MYZAP: variants seen among roughly 807,000 people sequenced by gnomAD.
MYZAP encodes the protein myocardial zonula adherens protein.
Under a neutral mutation model 69.4 loss-of-function variants are expected in MYZAP, and 66 were observed. The observed-to-expected ratio is 0.95, with a 90% CI of 0.78 to 1.17. The LOEUF is 1.17. Ranked by LOEUF, MYZAP falls within the 50% of genes most tolerant of loss-of-function variation. MYZAP has a pLI of 0.00. For missense variants in MYZAP, 611 were observed against 556.2 expected, an observed-to-expected ratio of 1.10 and a Z score of -0.99; for synonymous variants, 256 against 205.9, an observed-to-expected ratio of 1.24 and a Z score of -2.09.
intron 4 of MYZAP, among the ~76,000 whole-genome samples, chr15:57,625,166 G>A (rs190269645): frequency 7.3e-5 from 11 of 151,596 alleles, no homozygotes; most frequent in South Asian, 2.1e-4. Flanking sequence ...CTCAGCCTCC[G>A]GGGTTCAAGC....
Position 57,684,645 on chromosome 15 carries a change from C to G in MYZAP, c.*147C>G. ...CTGAGGCTCTGATCCACTTCTAAGA[C>G]AGGAAGGAAAGTGAAGGCAGAGTGA... is the stretch of plus-strand genomic sequence containing the variant. On this transcript the variant is annotated 3_prime_UTR_variant, in exon 13 of 13. Transcript: ENST00000267853. The G allele has an allele frequency of 1.6e-6, 1 of 622,932 alleles. No individual in the cohort carries two copies. The highest frequency in any genetic ancestry group is 2.8e-6 in the Non-Finnish European group (1 of 354,254). The allele number at this position is 622,932 out of a possible 1,614,324, so 38.6% of individuals were successfully genotyped here.
In MYZAP at chr15:57,620,061, C is replaced by T. The variant is rs144173398; in HGVS notation, c.319-1547C>T. Among the ~76,000 whole-genome samples, 333 of 152,312 alleles carry T rather than the reference C, an allele frequency of 2.2e-3. 5 individuals carry two copies. The highest frequency in any genetic ancestry group is 0.019 in the Admixed American group (286 of 15,300). Reference sequence around the variant, plus strand: ...CATGCAGCTCAAGATTCCACCCACTCACCACTGGGAGCAGCACAAGAGCCA... The same window carrying T: ...CATGCAGCTCAAGATTCCACCCACTTACCACTGGGAGCAGCACAAGAGCCA... On this transcript the variant is annotated intron_variant, in intron 3 of 12. Transcript: ENST00000267853.
chr15:57,641,438 A>G (rs1253722283), intron 10 of MYZAP, among the ~76,000 whole-genome samples: 1 of 152,192 alleles, frequency 6.6e-6, no homozygotes, highest in Admixed American at 6.5e-5. Context: ...GTGTGTGTGT[A>G]GGGATGCATA....
chr15:57,645,948 C>G (rs1485084405), intron 10 of MYZAP, among the ~76,000 whole-genome samples: 1 of 152,208 alleles, frequency 6.6e-6, no homozygotes, highest in Non-Finnish European at 1.5e-5. Flanking sequence ...TGCTGGCACA[C>G]AATTTAATTC....
intron 2 of MYZAP, among the ~76,000 whole-genome samples, chr15:57,613,349 T>C (rs2035232858): frequency 6.6e-6 from 1 of 151,944 alleles, no homozygotes; most frequent in Non-Finnish European, 1.5e-5. Flanking sequence ...TAAAGAGGCT[T>C]TTGATTTTTA....
At position 57,646,093 on chromosome 15, in the gene MYZAP, C is replaced by T. The variant is rs148161416; in HGVS notation, c.1119+6548C>T. On this transcript the variant is annotated intron_variant, in intron 10 of 12. Coordinates refer to ENST00000267853, the MANE Select transcript of MYZAP (RefSeq NM_001018100.5). ...TGGGGGTAGGGGAAAGGAGCCATAG[C>T]ACCAAGCCCACAAACCTAATCCACT... 1.0e-4 allele frequency: 126 copies of T among 1,223,694 alleles called. No homozygotes were observed. In the African/African-American group the frequency reaches 1.8e-3, roughly 17 times the overall value. 75.8% of individuals were successfully genotyped at this position (1,223,694 alleles called of 1,614,324 possible). A position where few individuals can be genotyped will look rare whatever the true frequency, so the allele number is the denominator to read the frequency against.
Position 57,647,836 on chromosome 15 carries a change from T to C in MYZAP, c.1119+8291T>C, listed in dbSNP as rs1220482313. The C allele has an allele frequency of 3.0e-6, 3 of 985,318 alleles. No individual in the cohort carries two copies. In the African/African-American group the frequency reaches 5.2e-5, roughly 17 times the overall value. The allele number at this position is 985,318 out of a possible 1,614,324, so 61.0% of individuals were successfully genotyped here. ...TCAGCCTGCTCTTGTCTGCCTTTGC[T>C]GATGCCCCTCAATTCACCTCTTTCC... On this transcript the variant is annotated intron_variant, in intron 10 of 12. Coordinates refer to ENST00000267853, the MANE Select transcript of MYZAP (RefSeq NM_001018100.5).
At chr15:57,601,990 C>G (rs1204262440) in intron 1 of MYZAP, among the ~76,000 whole-genome samples, 1 of 152,072 alleles carries the variant, frequency 6.6e-6, no homozygotes, top group Non-Finnish European at 1.5e-5. Context: ...GCTCCCTAAC[C>G]TGTTCATGGA....
intron 10 of MYZAP, among the ~76,000 whole-genome samples, chr15:57,657,733 C>G (rs925830189): frequency 6.6e-6 from 1 of 151,958 alleles, no homozygotes; most frequent in South Asian, 2.1e-4. Context: ...GAGCTTTTTC[C>G]TATGTTTGAA....
intron 1 of MYZAP, among the ~76,000 whole-genome samples, chr15:57,603,648 A>G (rs1021654277): frequency 1.3e-5 from 2 of 152,186 alleles, no homozygotes; most frequent in Non-Finnish European, 2.9e-5. Flanking sequence ...TCCATGTTGT[A>G]GCATGTGTCA....
intron 5 of MYZAP, among the ~76,000 whole-genome samples, chr15:57,628,652 G>A (rs185475205): frequency 1.1e-4 from 16 of 152,308 alleles, no homozygotes; most frequent in African/African-American, 3.6e-4. Flanking sequence ...ACCAAATTCT[G>A]TTCCTTAGTA....
At chr15:57,620,436 A>G (rs1390697784) in intron 3 of MYZAP, among the ~76,000 whole-genome samples, 1 of 152,146 alleles carries the variant, frequency 6.6e-6, no homozygotes, top group African/African-American at 2.4e-5. Context: ...TTCCTGCCCT[A>G]TTTGAGGGTT....
At position 57,684,610 on chromosome 15, in the gene MYZAP, A is replaced by G; in HGVS notation, c.*112A>G. On this transcript the variant is annotated 3_prime_UTR_variant, in exon 13 of 13. Transcript: ENST00000267853. ...TCCCCTACACACAGTGTAAGCCGGA[A>G]TGGGAATCGCTGAGGCTCTGATCCA... The G allele has an allele frequency of 1.4e-6, 1 of 699,946 alleles. No individual in the cohort carries two copies. The highest frequency in any genetic ancestry group is 2.5e-6 in the Non-Finnish European group (1 of 407,574). The allele number at this position is 699,946 out of a possible 1,614,324, so 43.4% of individuals were successfully genotyped here.
At chr15:57,619,162 C>G (rs1037501401) in intron 3 of MYZAP, among the ~76,000 whole-genome samples, 1 of 152,152 alleles carries the variant, frequency 6.6e-6, no homozygotes, top group Non-Finnish European at 1.5e-5. Context: ...AAGATGCAAA[C>G]TCATGATGTC....
At chr15:57,683,457 A>C (rs1382923122) in intron 12 of MYZAP, among the ~76,000 whole-genome samples, 1 of 152,158 alleles carries the variant, frequency 6.6e-6, no homozygotes, top group African/African-American at 2.4e-5. Flanking sequence ...AAAATTTTTT[A>C]TGTACATATC....
At chr15:57,645,614 G>T (rs1421692019) in intron 10 of MYZAP, among the ~76,000 whole-genome samples, 16 of 152,196 alleles carry the variant, frequency 1.1e-4, no homozygotes. Flanking sequence ...TGGATCATAA[G>T]AAATAATAAA....
chr15:57,593,214 A>ACACACACACACACACACACACAC (rs1172761785), intron 1 of MYZAP, among the ~76,000 whole-genome samples: 1 of 141,346 alleles, frequency 7.1e-6, no homozygotes, highest in African/African-American at 2.8e-5. Context: ...ACACACACAC[A>ACACACACACACACACACACACAC]CCCCAGAATC....
chr15:57,670,612 C>T (rs1196715324), intron 11 of MYZAP, among the ~76,000 whole-genome samples: 2 of 151,928 alleles, frequency 1.3e-5, no homozygotes, highest in African/African-American at 4.8e-5. Context: ...TTTAGAGCTA[C>T]CATTTCATTA....
chr15:57,648,970 T>C (rs1039152675), intron 10 of MYZAP, among the ~76,000 whole-genome samples: 1 of 151,610 alleles, frequency 6.6e-6, no homozygotes, highest in African/African-American at 2.4e-5. Context: ...GTATGTGGCT[T>C]AGTTTGTGTT....
Sources: gnomAD v4.1 joint callset for allele counts (sites outside exome capture counted in the v4.1 genomes callset) on GRCh38, gnomAD v4.1.1 for gene constraint, MANE v1.5 for transcripts, NCBI Gene and HGNC (gene_info 2026-07-23, HGNC 2026-07-21) for gene names.